FAT3: variants seen among roughly 807,000 people sequenced by gnomAD.
FAT3 encodes FAT atypical cadherin 3.
FAT3 carries 95 observed loss-of-function variants against 310.2 expected under a neutral mutation model. That is an observed-to-expected ratio of 0.31 (90% CI 0.26 to 0.36). The LOEUF (loss-of-function observed/expected upper bound fraction) is 0.36. Ranked by LOEUF, FAT3 falls within the 10% of genes least tolerant of loss-of-function variation. The probability of loss-of-function intolerance (pLI) is 1.00; values close to 1 mark genes in which losing one functional copy is unlikely to be tolerated. For missense variants in FAT3, 5,408 were observed against 5,715.6 expected (o/e 0.95, Z 1.74); for synonymous variants, 2,314 against 2,192.9 (o/e 1.06, Z -1.54).
Position 92,331,001 on chromosome 11 carries a change from TGTGAGA to T in FAT3, c.-17-21093_-17-21088del, listed in dbSNP as rs1440665957. ...GTGTGTGTGTGTGTGTGTGTGTGTGTGTGAGAGAGAGAGAGAGAGAAACATTTACAG... is the reference window on the plus strand; with the variant it reads ...GTGTGTGTGTGTGTGTGTGTGTGTGTGAGAGAGAGAGAGAAACATTTACAG... On this transcript the variant is annotated intron_variant, in intron 1 of 27. Transcript: ENST00000525166. Among the ~76,000 whole-genome samples the T allele has an allele frequency of 4.1e-4, 48 of 117,802 alleles. 1 individual carries two copies. The highest frequency in any genetic ancestry group is 2.0e-3 in the African/African-American group (40 of 20,260). 77.3% of individuals were successfully genotyped at this position (117,802 alleles called of 152,430 possible). A position where few individuals can be genotyped will look rare whatever the true frequency, so the allele number is the denominator to read the frequency against.
chr11:92,456,854 T>C (rs1359014249), intron 2 of FAT3, among the ~76,000 whole-genome samples: 2 of 152,170 alleles, frequency 1.3e-5, no homozygotes, highest in Non-Finnish European at 2.9e-5. Flanking sequence ...TTTTTGGGCA[T>C]GTGTGCCATG....
At chr11:92,443,311 G>A (rs1951123255) in intron 2 of FAT3, among the ~76,000 whole-genome samples, 1 of 152,190 alleles carries the variant, frequency 6.6e-6, no homozygotes, top group Non-Finnish European at 1.5e-5. Context: ...GTAGCTGAAA[G>A]TCCCCAAGCG....
At chr11:92,866,073 T>C (rs918287005) in intron 21 of FAT3, among the ~76,000 whole-genome samples, 3 of 152,230 alleles carry the variant, frequency 2.0e-5, no homozygotes, top group Non-Finnish European at 4.4e-5. Context: ...TTTAAGAATA[T>C]GCTAGTGTTT....
intron 3 of FAT3, among the ~76,000 whole-genome samples, chr11:92,621,520 A>G (rs545827394): frequency 1.3e-5 from 2 of 152,322 alleles, no homozygotes; most frequent in South Asian, 4.1e-4. Flanking sequence ...CCCCACAAAG[A>G]TGCTTGGCAT....
intron 21 of FAT3, among the ~76,000 whole-genome samples, chr11:92,863,101 G>C (rs1375928337): frequency 6.6e-6 from 1 of 152,032 alleles, no homozygotes; most frequent in African/African-American, 2.4e-5. Flanking sequence ...ATAGGTTTTT[G>C]TATTTTTGTT....
At chr11:92,864,830 G>A (rs758877577) in intron 21 of FAT3, among the ~76,000 whole-genome samples, 9 of 152,090 alleles carry the variant, frequency 5.9e-5, no homozygotes, top group Non-Finnish European at 1.0e-4. Context: ...AAAAGAAGAA[G>A]AAAGAAAGAT....
chr11:92,250,110 G>A (rs1017598251), intron 1 of FAT3, among the ~76,000 whole-genome samples: 8 of 151,942 alleles, frequency 5.3e-5, no homozygotes, highest in South Asian at 2.1e-4. Flanking sequence ...TCTCTGCCCC[G>A]GACATTTTAA....
intron 3 of FAT3, among the ~76,000 whole-genome samples, chr11:92,553,952 C>T (rs1379653030): frequency 6.6e-6 from 1 of 151,744 alleles, no homozygotes; most frequent in Non-Finnish European, 1.5e-5. Flanking sequence ...ATTACAGGAG[C>T]CCACTTTTAT....
intron 3 of FAT3, among the ~76,000 whole-genome samples, chr11:92,576,990 A>G (rs183481444): frequency 2.0e-5 from 3 of 149,916 alleles, no homozygotes; most frequent in Admixed American, 1.4e-4. Context: ...TATTTGAATC[A>G]TAGACTATTA....
chr11:92,279,045 G>A (rs1490483550), intron 1 of FAT3, among the ~76,000 whole-genome samples: 1 of 152,182 alleles, frequency 6.6e-6, no homozygotes, highest in Non-Finnish European at 1.5e-5. Context: ...GCCATACCAA[G>A]TGGGTGAAAT....
intron 2 of FAT3, among the ~76,000 whole-genome samples, chr11:92,436,025 C>G (rs777395598): frequency 2.0e-5 from 3 of 152,250 alleles, no homozygotes; most frequent in East Asian, 3.9e-4. Context: ...TGATGATGCT[C>G]TCTCATTCAT....
chr11:92,735,570 ATAG>A (rs2136011229), intron 4 of FAT3, among the ~76,000 whole-genome samples: 1 of 138,212 alleles, frequency 7.2e-6, no homozygotes, highest in East Asian at 1.9e-4. Flanking sequence ...AGATAGATAG[ATAG>A]ATAGATAGAT....
chr11:92,421,175 A>G (rs1274947707), intron 2 of FAT3, among the ~76,000 whole-genome samples: 1 of 152,190 alleles, frequency 6.6e-6, no homozygotes, highest in Admixed American at 6.5e-5. Flanking sequence ...TTTGTCAAAT[A>G]CCACTTTTAA....
At chr11:92,405,465 CA>C (rs1950117788) in intron 2 of FAT3, among the ~76,000 whole-genome samples, 1 of 152,168 alleles carries the variant, frequency 6.6e-6, no homozygotes, top group Non-Finnish European at 1.5e-5. Context: ...GGCATTCAAA[CA>C]AGGCTCCAGT....
In FAT3 at chr11:92,405,093, A is replaced by G. The variant is rs559640388; in HGVS notation, c.3292+49689A>G. 2.1e-3 allele frequency among the ~76,000 whole-genome samples: 319 copies of G among 152,196 alleles called. 2 individuals carry two copies. The highest frequency in any genetic ancestry group is 3.8e-3 in the Non-Finnish European group (257 of 68,010). On this transcript the variant is annotated intron_variant, in intron 2 of 27. Transcript: ENST00000525166. ...AATAAATCTCTTTCTGTATGAACCCAGTTGGTTCATTTTTTTCTGAATAAC... is the reference window on the plus strand; with the variant it reads ...AATAAATCTCTTTCTGTATGAACCCGGTTGGTTCATTTTTTTCTGAATAAC...
At chr11:92,510,767 C>A (rs2135308415) in intron 2 of FAT3, among the ~76,000 whole-genome samples, 1 of 152,352 alleles carries the variant, frequency 6.6e-6, no homozygotes, top group African/African-American at 2.4e-5. Flanking sequence ...TTGCCTTAAT[C>A]TTCCTTGCAG....
At chr11:92,645,385 C>T (rs868083817) in intron 3 of FAT3, among the ~76,000 whole-genome samples, 4 of 151,964 alleles carry the variant, frequency 2.6e-5, no homozygotes, top group Admixed American at 6.6e-5. Flanking sequence ...ATACATTCTA[C>T]GCTGGTTAGG....
chr11:92,460,265 G>T (rs1329791514), intron 2 of FAT3, among the ~76,000 whole-genome samples: 1 of 152,188 alleles, frequency 6.6e-6, no homozygotes, highest in Non-Finnish European at 1.5e-5. Flanking sequence ...GTCCCTGGCA[G>T]CTTGTTGATG....
Position 92,355,088 on chromosome 11 carries a change from C to T in FAT3, c.2976C>T (p.Ile992=). The change falls in exon 2 of 28, where the codon ATC becomes ATT. Residue 992 remains isoleucine, a synonymous_variant. Transcript: ENST00000525166. ...AAATAGATAAAGCAAGTGGTGCCATCCGCTTGAGCAAAGAGCTTGATTATG... is the reference window on the plus strand; with the variant it reads ...AAATAGATAAAGCAAGTGGTGCCATTCGCTTGAGCAAAGAGCTTGATTATG... The part of the protein sequence containing the change: ...RFEIDKASGA[I]RLSKELDYEK... The T allele has an allele frequency of 6.2e-7, 1 of 1,613,736 alleles. No homozygotes were observed. Among genetic ancestry groups the T allele is most frequent in the Non-Finnish European group, 8.5e-7 (1 of 1,179,836 alleles).
Sources: allele counts gnomAD v4.1 joint callset (sites outside exome capture counted in the v4.1 genomes callset), GRCh38; gene constraint gnomAD v4.1.1; transcripts MANE v1.5; gene names NCBI Gene and HGNC (gene_info 2026-07-23, HGNC 2026-07-21).